ACAD8: variants seen among roughly 807,000 people sequenced by gnomAD.
ACAD8 encodes the protein isobutyryl-CoA dehydrogenase, mitochondrial.
A neutral mutation model predicts 53.1 loss-of-function variants in ACAD8; 47 were observed. The ratio of observed to expected loss-of-function variants is 0.89; its 90% CI spans 0.70 to 1.13. The LOEUF (loss-of-function observed/expected upper bound fraction) is 1.13, where lower values mean the gene tolerates loss of function less well. ACAD8 is among the 50% of genes most tolerant of loss of function. ACAD8 has a pLI of 0.00. For missense variants in ACAD8, 494 were observed against 535.0 expected (o/e 0.92, Z 0.76); for synonymous variants, 198 against 201.3 (o/e 0.98, Z 0.14).
In ACAD8 at chr11:134,261,261, C is replaced by G; in HGVS notation, c.842-14C>G. 6.2e-7 allele frequency: 1 copy of G among 1,614,158 alleles called. No individual in the cohort carries two copies. On this transcript the variant is annotated splice_polypyrimidine_tract_variant and intron_variant, in intron 7 of 10. Transcript: ENST00000281182. The surrounding 1 kb of genome is among the most constrained non-coding windows in gnomAD (Gnocchi z 4.2). The stretch of plus-strand genomic sequence containing the variant: ...TTCCAGCTTGGTTGGAACGTCGGCG[C>G]TCTTCCCCTCTAGCTTCCTGCTCCC...
At chr11:134,258,669 T>C in intron 4 of ACAD8, 45 bp downstream of exon 4, 8 of 1,378,414 alleles carry the variant, frequency 5.8e-6, no homozygotes, top group Non-Finnish European at 8.2e-6. Context: ...GAGAGATGCT[T>C]CCTGCTCAGA....
chr11:134,262,506 C>T lies in ACAD8; in HGVS notation c.1093-14C>T. ...TCCCAGAGTCCAAGACGTCTAGTCC[C>T]TGTCTCCCTGCAGATCTGCAACCAG... On this transcript the variant is annotated splice_polypyrimidine_tract_variant and intron_variant, in intron 9 of 10. Coordinates refer to ENST00000281182, the MANE Select transcript of ACAD8 (RefSeq NM_014384.3). 6.3e-7 allele frequency: 1 copy of T among 1,592,932 alleles called. No homozygotes were observed. Among genetic ancestry groups the T allele is most frequent in the Non-Finnish European group, 8.6e-7 (1 of 1,161,736 alleles).
intron 6 of ACAD8, chr11:134,260,285 A>G: frequency 1.3e-6 from 1 of 777,122 alleles, no homozygotes; most frequent in South Asian, 3.9e-5. Flanking sequence ...GAGACTTGTG[A>G]TCATGTAACC....
chr11:134,257,286 G>A (rs893467164), intron 3 of ACAD8, 29 bp downstream of exon 3: 12 of 1,613,312 alleles, frequency 7.4e-6, no homozygotes, highest in Non-Finnish European at 1.0e-5. Flanking sequence ...AAGGCACAAT[G>A]AAGTGCTCAC....
rs1177399175 is a variant in ACAD8 at position 134,259,129 on chromosome 11, G to T, written c.567+45G>T. On this transcript the variant is annotated intron_variant, in intron 5 of 10. Transcript: ENST00000281182. ...CAGAGCACTTTGGAGATTGTTCCCA[G>T]CTTCCTCCTGACATCCTCTGGTTCC... The T allele has an allele frequency of 1.9e-6, 3 of 1,558,496 alleles. No homozygotes were observed. In the South Asian group the frequency reaches 3.3e-5, roughly 17 times the overall value.
chr11:134,259,428 A>T (rs1939744837), intron 5 of ACAD8, 180 bp from the exon 6 acceptor site: 1 of 572,530 alleles, frequency 1.7e-6, no homozygotes, highest in East Asian at 2.8e-5. Context: ...TCTCTGTGCC[A>T]TTGGACCTTA....
In ACAD8 at chr11:134,257,081, T is replaced by A. The variant is rs772855734; in HGVS notation, c.211-7T>A. 1 of 1,614,160 alleles carries A rather than the reference T, an allele frequency of 6.2e-7. No individual in the cohort carries two copies. Among genetic ancestry groups the A allele is most frequent in the South Asian group, 1.1e-5 (1 of 91,088 alleles). On this transcript the variant is annotated splice_polypyrimidine_tract_variant and splice_region_variant and intron_variant, in intron 2 of 10. Transcript: ENST00000281182. ...CTGCTGATCACCCTGCTCTCTTTTG[T>A]ACATAGGAGCTGTTCCCAGTGGATG...
chr11:134,254,454 C>T (rs763165803), intron 1 of ACAD8, among the ~76,000 whole-genome samples: 11 of 152,196 alleles, frequency 7.2e-5, no homozygotes, highest in Non-Finnish European at 1.5e-4. Flanking sequence ...TGTGACTTCT[C>T]TGCCAAGAAT....
At chr11:134,259,224 C>T (rs1001390049) in intron 5 of ACAD8, 140 bp downstream of exon 5, 6 of 781,174 alleles carry the variant, frequency 7.7e-6, no homozygotes, top group South Asian at 1.5e-5. Flanking sequence ...ACCCATTTCT[C>T]TTTCTTTATT....
Position 134,260,929 on chromosome 11 carries a change from T to C in ACAD8, c.706-115T>C. On this transcript the variant is annotated intron_variant, in intron 6 of 10. Coordinates refer to ENST00000281182, the MANE Select transcript of ACAD8 (RefSeq NM_014384.3). ...TTTTCTTTTTCCTCATTTTAAGTTC[T>C]TGTGGGTCTAAGTCTTGGGTGCTGA... The C allele has an allele frequency of 5.7e-6, 7 of 1,237,542 alleles. No homozygotes were observed. The South Asian group carries it at 9.0e-5, about 16-fold the overall frequency. The allele number at this position is 1,237,542 out of a possible 1,614,324, so 76.7% of individuals were successfully genotyped here. A position where few individuals can be genotyped will look rare whatever the true frequency, so the allele number is the denominator to read the frequency against.
In ACAD8 at chr11:134,259,740, A is replaced by T; in HGVS notation, c.700A>T (p.Lys234Ter). 1.2e-6 allele frequency: 2 copies of T among 1,613,980 alleles called. No homozygotes were observed. Among genetic ancestry groups the T allele is most frequent in the Non-Finnish European group, 8.5e-7 (1 of 1,179,912 alleles). ...TGGCCTCAGCTTTGGCAAGAAGGAGAAAAAGGTGAGTGGCTGTTGGACAGG... is the reference window on the plus strand; with the variant it reads ...TGGCCTCAGCTTTGGCAAGAAGGAGTAAAAGGTGAGTGGCTGTTGGACAGG... ...TPGLSFGKKEKKVGWNSQPTR... is the reference protein window; with the variant it reads ...TPGLSFGKKE The change falls in exon 6 of 11, where the codon AAA becomes TAA. Residue 234 changes from lysine (K) to a stop codon, truncating the protein, a stop_gained. Coordinates refer to ENST00000281182, the MANE Select transcript of ACAD8 (RefSeq NM_014384.3). LOFTEE classifies it high-confidence loss of function.
rs564322254 is a variant in ACAD8, at chr11:134,263,223, G to A, written c.1195+601G>A. On this transcript the variant is annotated intron_variant, in intron 10 of 10. Transcript: ENST00000281182. ...CAGTGCGGAAGTCTTGAAATGACAC[G>A]ACTCTTGGAAAAGCAGGAGGGGCAG... is the stretch of plus-strand genomic sequence containing the variant. 16 of 1,003,274 alleles carry A rather than the reference G, an allele frequency of 1.6e-5. No individual in the cohort carries two copies. In the South Asian group the frequency reaches 6.6e-4, roughly 42 times the overall value. The allele number at this position is 1,003,274 out of a possible 1,614,324, so 62.1% of individuals were successfully genotyped here.
At chr11:134,256,398 G>A (rs1278046977) in intron 1 of ACAD8, 150 bp from the exon 2 acceptor site, 4 of 678,488 alleles carry the variant, frequency 5.9e-6, no homozygotes, top group East Asian at 5.4e-5. Flanking sequence ...AACGACAGAA[G>A]CTGCCATTCT....
intron 2 of ACAD8, 73 bp from the exon 3 acceptor site, chr11:134,257,015 C>T: frequency 6.6e-7 from 1 of 1,515,588 alleles, no homozygotes; most frequent in Non-Finnish European, 9.2e-7. Context: ...CCTCCTAATC[C>T]CTCACTGTGC....
chr11:134,263,951 T>G, intron 10 of ACAD8: 1 of 985,448 alleles, frequency 1.0e-6, no homozygotes, highest in Non-Finnish European at 1.2e-6. Flanking sequence ...ATGAAGCAAA[T>G]AATTGATACC....
chr11:134,260,020 C>T (rs1360080308), intron 6 of ACAD8: 3 of 1,278,050 alleles, frequency 2.3e-6, no homozygotes, highest in East Asian at 8.4e-5. Context: ...GCCTGTGTTC[C>T]TTATCCAGCT....
chr11:134,260,981 C>T, intron 6 of ACAD8, 63 bp from the exon 7 acceptor site: 19 of 1,593,938 alleles, frequency 1.2e-5, no homozygotes, highest in Non-Finnish European at 1.5e-5. Flanking sequence ...GCTCCCGTCC[C>T]CAGGGAAGGC....
At chr11:134,256,367 T>C (rs1452872331) in intron 1 of ACAD8, among the ~76,000 whole-genome samples, 181 bp from the exon 2 acceptor site, 1 of 152,232 alleles carries the variant, frequency 6.6e-6, no homozygotes, top group African/African-American at 2.4e-5. Flanking sequence ...AACTGTCCTT[T>C]CTCCATATGA....
At chr11:134,262,103 T>G in intron 9 of ACAD8, 1 of 690,496 alleles carries the variant, frequency 1.4e-6, no homozygotes, top group Non-Finnish European at 2.6e-6. Context: ...TACACTTCAT[T>G]ATGTCACTGT....
Sources: allele counts gnomAD v4.1 joint callset (sites outside exome capture counted in the v4.1 genomes callset), GRCh38; gene constraint gnomAD v4.1.1; non-coding constraint Gnocchi (gnomAD v3.1); transcripts MANE v1.5; gene names NCBI Gene and HGNC (gene_info 2026-07-23, HGNC 2026-07-21).